The following TET1 variants were observed in gnomAD, a reference collection of about 807,000 sequenced individuals.
The protein encoded by TET1 is tet methylcytosine dioxygenase 1.
A neutral mutation model predicts 148.7 loss-of-function variants in TET1; 13 were observed. The ratio of observed to expected loss-of-function variants is 0.09; its 90% CI spans 0.06 to 0.14. The LOEUF (loss-of-function observed/expected upper bound fraction) is 0.14, where lower values mean the gene tolerates loss of function less well. Among genes scored for constraint, TET1 ranks in the 10% least tolerant of loss-of-function variants. TET1 has a pLI of 1.00. For synonymous variants in TET1, 907 were observed against 937.2 expected (o/e 0.97, Z 0.59); for missense variants, 2,182 against 2,553.8 (o/e 0.85, Z 3.14).
At chr10:68,660,154 T>A (rs2133148073) in intron 6 of TET1, among the ~76,000 whole-genome samples, 1 of 152,332 alleles carries the variant, frequency 6.6e-6, no homozygotes, top group Admixed American at 6.5e-5. Flanking sequence ...CCAGATCATT[T>A]GTGCACTGAC....
chr10:68,566,954 C>T (rs899173990), intron 1 of TET1, among the ~76,000 whole-genome samples: 1 of 151,788 alleles, frequency 6.6e-6, no homozygotes, highest in African/African-American at 2.4e-5. Flanking sequence ...TCATGATAAC[C>T]CAATGAGGTC....
At chr10:68,581,078 T>A (rs1434810832) in intron 2 of TET1, among the ~76,000 whole-genome samples, 1 of 152,176 alleles carries the variant, frequency 6.6e-6, no homozygotes, top group African/African-American at 2.4e-5. Context: ...TTTCTCAGAA[T>A]GTTGACTGCT....
chr10:68,620,831 CTTA>C (rs996007025), intron 3 of TET1, among the ~76,000 whole-genome samples: 1 of 152,192 alleles, frequency 6.6e-6, no homozygotes, highest in African/African-American at 2.4e-5. Context: ...CTGGTCAACA[CTTA>C]TTAATGTCCA....
chr10:68,575,657 G>A (rs192268047), intron 2 of TET1, among the ~76,000 whole-genome samples: 2 of 151,454 alleles, frequency 1.3e-5, no homozygotes, highest in Admixed American at 6.6e-5. Context: ...AGACGTCATC[G>A]TGCCACTGCA....
At chr10:68,615,977 G>C (rs2054284783) in intron 3 of TET1, among the ~76,000 whole-genome samples, 1 of 152,148 alleles carries the variant, frequency 6.6e-6, no homozygotes. Context: ...CTCCTTACTA[G>C]AGTATTTCCT....
intron 7 of TET1, among the ~76,000 whole-genome samples, chr10:68,671,279 T>G (rs185019761): frequency 1.3e-3 from 204 of 152,358 alleles, no homozygotes; most frequent in Middle Eastern, 3.4e-3. Flanking sequence ...AACTCCTACT[T>G]ATAAGTGAGA....
At chr10:68,675,081 GA>G in intron 8 of TET1, 1 of 571,466 alleles carries the variant, frequency 1.7e-6, no homozygotes, top group Non-Finnish European at 2.8e-6. Context: ...TGATGGATAT[GA>G]ACCACTAGTC....
intron 7 of TET1, among the ~76,000 whole-genome samples, chr10:68,672,665 G>A (rs2055291915): frequency 6.6e-6 from 1 of 151,728 alleles, no homozygotes; most frequent in Admixed American, 6.6e-5. Context: ...CTAAAAATTT[G>A]GTTATAATAA....
rs750133611 is a variant in TET1, at chr10:68,573,607, G to A, written c.1269G>A (p.Gly423=). The change falls in exon 2 of 12, where the codon GGG becomes GGA. Residue 423 remains glycine (G), a synonymous_variant. Coordinates refer to ENST00000373644, the MANE Select transcript of TET1 (RefSeq NM_030625.3). The part of the protein sequence containing the change: ...LDQQETLGMS[G]SVVPDLPVFL... ...AACAAGAAACTCTTGGTATGAGTGG[G>A]AGTGTTGTCCCAGACTTGCCTGTCT... 6.2e-7 allele frequency: 1 copy of A among 1,614,132 alleles called. No individual in the cohort carries two copies. Among genetic ancestry groups the A allele is most frequent in the Non-Finnish European group, 8.5e-7 (1 of 1,180,028 alleles).
Position 68,565,464 on chromosome 10 carries a change from T to TAAA in TET1, c.-123+4732_-123+4734dup, listed in dbSNP as rs199760806. The stretch of plus-strand genomic sequence containing the variant: ...CTGAGCGACAGAGCAAGACCCTGTT[T>TAAA]AAAAAAAAAAAATATATATATATAT... On this transcript the variant is annotated intron_variant, in intron 1 of 11. Transcript: ENST00000373644. Among the ~76,000 whole-genome samples the TAAA allele has an allele frequency of 2.4e-3, 254 of 107,966 alleles. 1 individual carries two copies. The highest frequency in any genetic ancestry group is 7.7e-3 in the African/African-American group (227 of 29,380). The allele number at this position is 107,966 out of a possible 152,430, so 70.8% of individuals were successfully genotyped here.
rs768767331 is a variant in TET1, at chr10:68,572,690, C to T, written c.352C>T (p.Pro118Ser). 1 of 1,614,012 alleles carries T rather than the reference C, an allele frequency of 6.2e-7. No homozygotes were observed. The highest frequency in any genetic ancestry group is 1.3e-5 in the African/African-American group (1 of 74,902). ...CTCTCTTAGCAGGCGACTCTCCCAA[C>T]CCCCACTGGTCGTAGCCAAATCCAA... Reference protein sequence around the residue: ...STSLSRRLSQPPLVVAKSKKV... With the variant: ...STSLSRRLSQSPLVVAKSKKV... The change falls in exon 2 of 12, where the codon CCC (proline) becomes TCC (serine). Residue 118 changes from proline to serine, a missense_variant. Physicochemically the swap from Pro to Ser is moderately conservative, Grantham distance 74. Coordinates refer to ENST00000373644, the MANE Select transcript of TET1 (RefSeq NM_030625.3).
intron 3 of TET1, among the ~76,000 whole-genome samples, chr10:68,631,956 G>C (rs982327989): frequency 6.6e-6 from 1 of 151,694 alleles, no homozygotes; most frequent in African/African-American, 2.4e-5. Flanking sequence ...AGTTAGGCAA[G>C]GTCCCTGAAA....
intron 3 of TET1, among the ~76,000 whole-genome samples, chr10:68,633,378 T>A (rs75144553): frequency 5.3e-5 from 8 of 151,502 alleles, no homozygotes; most frequent in African/African-American, 1.5e-4. Context: ...GTTTTTTTTT[T>A]ATTGTCTTGT....
At chr10:68,614,944 C>CTT (rs369939263) in intron 3 of TET1, among the ~76,000 whole-genome samples, 32 of 145,298 alleles carry the variant, frequency 2.2e-4, no homozygotes, top group African/African-American at 7.0e-4. Flanking sequence ...ATTTTTATGG[C>CTT]TTTTTTTTTT....
rs1023202427 is a variant in TET1 at position 68,623,257 on chromosome 10, G to A, written c.1969-21441G>A. On this transcript the variant is annotated intron_variant, in intron 3 of 11. Transcript: ENST00000373644. ...TAATGGAAATTCTACTGTAAAAAAA[G>A]TGTTGTCCTTTTTCTCCCATTTCTT... is the stretch of plus-strand genomic sequence containing the variant. 4.6e-5 allele frequency among the ~76,000 whole-genome samples: 7 copies of A among 152,156 alleles called. No homozygotes were observed. The South Asian group carries it at 1.2e-3, about 27-fold the overall frequency.
At chr10:68,676,232 A>ATGTG (rs1168506054) in intron 8 of TET1, among the ~76,000 whole-genome samples, 91 of 13,342 alleles carry the variant, frequency 6.8e-3, no homozygotes, top group African/African-American at 0.015. Context: ...ATATGTATGT[A>ATGTG]TGTGTATATA....
At position 68,565,475 on chromosome 10, in the gene TET1, A is replaced by AT. The variant is rs1554927790; in HGVS notation, c.-123+4733_-123+4734insT. ...AGCAAGACCCTGTTTAAAAAAAAAA[A>AT]ATATATATATATATATATATATATG... is the stretch of plus-strand genomic sequence containing the variant. On this transcript the variant is annotated intron_variant, in intron 1 of 11. Coordinates refer to ENST00000373644, the MANE Select transcript of TET1 (RefSeq NM_030625.3). 6.4e-3 allele frequency among the ~76,000 whole-genome samples: 826 copies of AT among 129,184 alleles called. 5 individuals are homozygous for AT. The highest frequency in any genetic ancestry group is 0.019 in the East Asian group (83 of 4,386). 84.7% of individuals were successfully genotyped at this position (129,184 alleles called of 152,430 possible).
rs778533319 is a variant in TET1 at position 68,646,804 on chromosome 10, G to T, written c.4075G>T (p.Val1359Leu). ...ACTAACTCTCAGGAATGTAAATGTAGTGTGTTCAGGTGGAATTACAGTGGT... is the reference window on the plus strand; with the variant it reads ...ACTAACTCTCAGGAATGTAAATGTATTGTGTTCAGGTGGAATTACAGTGGT... Reference protein sequence around the residue: ...SALTLRNVNVVCSGGITVVST... With the variant: ...SALTLRNVNVLCSGGITVVST... The change falls in exon 4 of 12, where the codon GTG becomes TTG. Residue 1359 changes from valine to leucine, a missense_variant. Val to Leu is a conservative substitution (Grantham distance 32, BLOSUM62 1). Transcript: ENST00000373644. 6.2e-7 allele frequency: 1 copy of T among 1,614,072 alleles called. No homozygotes were observed. The highest frequency in any genetic ancestry group is 1.1e-5 in the South Asian group (1 of 91,088).
chr10:68,673,376 G>A (rs1444264556), intron 8 of TET1: 1 of 289,332 alleles, frequency 3.5e-6, no homozygotes, highest in South Asian at 3.3e-5. Context: ...AAATTTCAAA[G>A]ACTCAGAAAG....
Sources: allele counts gnomAD v4.1 joint callset (sites outside exome capture counted in the v4.1 genomes callset), GRCh38; gene constraint gnomAD v4.1.1; transcripts MANE v1.5; gene names NCBI Gene and HGNC (gene_info 2026-07-23, HGNC 2026-07-21).